Variants in SUPT3H observed in about 807,000 individuals in gnomAD.
The protein encoded by SUPT3H is SPT3 homolog, SAGA and STAGA complex component.
In SUPT3H, 44 loss-of-function variants were observed where a neutral mutation model predicts 44.3. The observed-to-expected ratio is 0.99, with a 90% CI of 0.78 to 1.28. The LOEUF is 1.28. SUPT3H is among the 50% of genes most tolerant of loss of function. The pLI, the probability that SUPT3H is intolerant of heterozygous loss-of-function variation, is 0.00. For missense variants in SUPT3H, 380 were observed against 387.1 expected (o/e 0.98, Z 0.15); for synonymous variants, 124 against 125.6 (o/e 0.99, Z 0.09).
chr6:45,163,516 T>C (rs1443951642), intron 2 of SUPT3H, among the ~76,000 whole-genome samples: 5 of 152,192 alleles, frequency 3.3e-5, no homozygotes, highest in African/African-American at 4.8e-5. Flanking sequence ...GCTATGTCAA[T>C]TGGAAATCAT....
chr6:45,357,297 G>A (rs1793405163), intron 2 of SUPT3H, among the ~76,000 whole-genome samples: 1 of 152,018 alleles, frequency 6.6e-6, no homozygotes, highest in Admixed American at 6.6e-5. Context: ...GTGAGCCACT[G>A]TGCCCGGTCA....
At chr6:45,312,759 A>G (rs1784162639) in intron 2 of SUPT3H, among the ~76,000 whole-genome samples, 1 of 150,590 alleles carries the variant, frequency 6.6e-6, no homozygotes, top group African/African-American at 2.4e-5. Flanking sequence ...GAAATAATAA[A>G]TTTAAACTAT....
At chr6:45,062,601 C>T (rs566239890) in intron 3 of SUPT3H, among the ~76,000 whole-genome samples, 9 of 152,098 alleles carry the variant, frequency 5.9e-5, no homozygotes, top group East Asian at 1.9e-4. Flanking sequence ...CCAGTGGGTG[C>T]GCGCACCATG....
intron 2 of SUPT3H, among the ~76,000 whole-genome samples, chr6:45,259,312 GT>G (rs1396514912): frequency 6.6e-6 from 1 of 152,000 alleles, no homozygotes; most frequent in Non-Finnish European, 1.5e-5. Context: ...TTAGATAGAG[GT>G]TTATCATGTA....
intron 2 of SUPT3H, among the ~76,000 whole-genome samples, chr6:45,300,439 T>C (rs928921506): frequency 4.3e-4 from 65 of 152,154 alleles, no homozygotes; most frequent in Non-Finnish European, 2.6e-4. Context: ...TTGGTGAGCA[T>C]GTGGAGAATC....
chr6:45,354,955 A>G (rs184554748), intron 2 of SUPT3H, among the ~76,000 whole-genome samples: 280 of 152,212 alleles, frequency 1.8e-3, no homozygotes, highest in African/African-American at 6.6e-3. Context: ...TGGAAAGATA[A>G]ATACCAAAGC....
intron 2 of SUPT3H, among the ~76,000 whole-genome samples, chr6:45,162,386 G>C (rs547373712): frequency 1.9e-3 from 286 of 152,056 alleles, no homozygotes; most frequent in African/African-American, 6.7e-3. Flanking sequence ...TAGCCAGCTG[G>C]GGTGGTGTGC....
intron 2 of SUPT3H, among the ~76,000 whole-genome samples, chr6:45,139,794 C>T (rs534147908): frequency 1.3e-4 from 20 of 152,218 alleles, no homozygotes; most frequent in Non-Finnish European, 2.5e-4. Flanking sequence ...CACAGGGGCC[C>T]TTAGGGAAAG....
intron 10 of SUPT3H, among the ~76,000 whole-genome samples, chr6:44,921,374 T>C (rs1161551126): frequency 6.6e-6 from 1 of 152,220 alleles, no homozygotes; most frequent in East Asian, 1.9e-4. Context: ...GATTGACTCA[T>C]AGCAGTACAC....
At position 45,234,543 on chromosome 6, in the gene SUPT3H, A is replaced by AG. The variant is rs1177287617; in HGVS notation, c.102-128538_102-128537insC. Among the ~76,000 whole-genome samples, 142 of 148,388 alleles carry AG rather than the reference A, an allele frequency of 9.6e-4. 1 individual carries two copies. Among genetic ancestry groups the AG allele is most frequent in the African/African-American group, 2.4e-3 (96 of 40,296 alleles). ...GAGACGCTGTCACAAAAAAAAAAAAAAAAAGAAAAGAAAAAAAAGAAATAC... is the reference window on the plus strand; with the variant it reads ...GAGACGCTGTCACAAAAAAAAAAAAAGAAAAGAAAAGAAAAAAAAGAAATAC... On this transcript the variant is annotated intron_variant, in intron 2 of 10. Coordinates refer to ENST00000371459, the MANE Select transcript of SUPT3H (RefSeq NM_003599.4).
chr6:44,829,588 A>G lies in SUPT3H; in HGVS notation c.*228T>C. On this transcript the variant is annotated 3_prime_UTR_variant, in exon 11 of 11. Transcript: ENST00000371459. The stretch of plus-strand genomic sequence containing the variant: ...GATCTGCATTCTTGTCCACCTACAG[A>G]CTATCCTAAACATCCTGCCATTAAT... 1 of 499,924 alleles carries G rather than the reference A, an allele frequency of 2.0e-6. No homozygotes were observed. The highest frequency in any genetic ancestry group is 3.6e-6 in the Non-Finnish European group (1 of 280,040). 31.0% of individuals were successfully genotyped at this position (499,924 alleles called of 1,614,324 possible). A position where few individuals can be genotyped will look rare whatever the true frequency, so the allele number is the denominator to read the frequency against.
intron 3 of SUPT3H, among the ~76,000 whole-genome samples, chr6:45,076,416 G>A (rs1297706137): frequency 6.6e-6 from 1 of 151,796 alleles, no homozygotes; most frequent in Non-Finnish European, 1.5e-5. Flanking sequence ...ACACATACAA[G>A]CTCTACATCC....
chr6:45,352,512 G>C (rs1221762352), intron 2 of SUPT3H, among the ~76,000 whole-genome samples: 1 of 152,078 alleles, frequency 6.6e-6, no homozygotes, highest in East Asian at 1.9e-4. Flanking sequence ...CAGCCAAGGG[G>C]AGAGAAAACA....
intron 3 of SUPT3H, among the ~76,000 whole-genome samples, chr6:45,022,278 C>T (rs1785251346): frequency 6.6e-6 from 1 of 151,972 alleles, no homozygotes; most frequent in African/African-American, 2.4e-5. Flanking sequence ...CTCAATTAAT[C>T]AACAGTTTAT....
chr6:45,189,524 T>C (rs1814799704), intron 2 of SUPT3H, among the ~76,000 whole-genome samples: 2 of 152,166 alleles, frequency 1.3e-5, no homozygotes, highest in South Asian at 2.1e-4. Context: ...ACCAAATCTA[T>C]AGAGGAAACC....
chr6:44,829,812 C>T lies in SUPT3H; in HGVS notation c.*4G>A. ...GTTGTTGCAGGCACATCACAGTTGTCACATCAGCAGGCTAGAAAAGCCATC... is the reference window on the plus strand; with the variant it reads ...GTTGTTGCAGGCACATCACAGTTGTTACATCAGCAGGCTAGAAAAGCCATC... On this transcript the variant is annotated 3_prime_UTR_variant, in exon 11 of 11. Transcript: ENST00000371459. The T allele has an allele frequency of 6.2e-7, 1 of 1,612,948 alleles. No homozygotes were observed. The highest frequency in any genetic ancestry group is 8.5e-7 in the Non-Finnish European group (1 of 1,179,134).
At chr6:44,835,685 A>C (rs1197139405) in intron 10 of SUPT3H, among the ~76,000 whole-genome samples, 3 of 152,264 alleles carry the variant, frequency 2.0e-5, no homozygotes, top group East Asian at 3.9e-4. Flanking sequence ...TGGTAGGTAC[A>C]TTTCTGAATT....
chr6:45,157,799 G>A (rs149223255), intron 2 of SUPT3H, among the ~76,000 whole-genome samples: 3,915 of 151,372 alleles, frequency 0.026, 56 homozygotes, highest in Middle Eastern at 0.065. Flanking sequence ...CGCCTGCCTC[G>A]GCCTCCCAAG....
chr6:44,829,525 G>T lies in SUPT3H; in HGVS notation c.*291C>A. 1 of 287,078 alleles carries T rather than the reference G, an allele frequency of 3.5e-6. No individual in the cohort carries two copies. The allele number at this position is 287,078 out of a possible 1,614,324, so 17.8% of individuals were successfully genotyped here. ...TGCTTTTAAGGTATGTGAGCTGAGG[G>T]CAGTAAATCTACTCAAATTAAAATT... On this transcript the variant is annotated 3_prime_UTR_variant, in exon 11 of 11. Transcript: ENST00000371459.
Sources: gnomAD v4.1 joint callset for allele counts (sites outside exome capture counted in the v4.1 genomes callset) on GRCh38, gnomAD v4.1.1 for gene constraint, MANE v1.5 for transcripts, NCBI Gene and HGNC (gene_info 2026-07-23, HGNC 2026-07-21) for gene names.